Variants in SNRPD3 observed in about 807,000 individuals in gnomAD.
The protein encoded by SNRPD3 is small nuclear ribonucleoprotein D3 polypeptide, also known as small nuclear ribonucleoprotein Sm D3.
For missense variants in SNRPD3, 73 were observed against 167.5 expected, an observed-to-expected ratio of 0.44 and a Z score of 3.11; for synonymous variants, 66 against 58.4, an observed-to-expected ratio of 1.13 and a Z score of -0.59.
rs754815524 is a variant in SNRPD3, at chr22:24,557,742, A to G, written c.68A>G (p.Asn23Ser). The change falls in exon 2 of 4, where the codon AAC (asparagine) becomes AGC (serine). Residue 23 changes from asparagine to serine, a missense_variant. Physicochemically the swap from Asn to Ser is conservative, Grantham distance 46 (BLOSUM62 1). Coordinates refer to ENST00000215829, the MANE Select transcript of SNRPD3 (RefSeq NM_004175.5). ...AEGHIVTCET[N>S]TGEVYRGKLI... ...GGCCACATTGTGACATGTGAGACGA[A>G]CACCGGTGAGGTATATCGGGGGAAG... 4 of 1,611,860 alleles carry G rather than the reference A, an allele frequency of 2.5e-6. No individual in the cohort carries two copies. The highest frequency in any genetic ancestry group is 2.2e-5 in the East Asian group (1 of 44,760).
At chr22:24,564,757 G>A (rs776153340) in intron 2 of SNRPD3, among the ~76,000 whole-genome samples, 1 of 152,144 alleles carries the variant, frequency 6.6e-6, no homozygotes, top group Non-Finnish European at 1.5e-5. Flanking sequence ...TGTGCTGGAG[G>A]GAGTGTGGCT....
intron 2 of SNRPD3, among the ~76,000 whole-genome samples, chr22:24,559,987 C>G (rs2045116989): frequency 6.6e-6 from 1 of 151,890 alleles, no homozygotes; most frequent in South Asian, 2.1e-4. Context: ...TTGGTCTTCC[C>G]TCTGTAGTGT....
intron 1 of SNRPD3, among the ~76,000 whole-genome samples, chr22:24,557,285 TAAC>T (rs1259879255): frequency 6.6e-6 from 1 of 152,170 alleles, no homozygotes; most frequent in Non-Finnish European, 1.5e-5. Context: ...GGTTAACAAA[TAAC>T]AGTGCAACAA....
Position 24,572,439 on chromosome 22 carries a change from A to G in SNRPD3, c.*462A>G, listed in dbSNP as rs1180083533. The G allele has an allele frequency of 1.4e-5, 5 of 353,510 alleles. No homozygotes were observed. The East Asian group carries it at 1.9e-4, about 14-fold the overall frequency. 21.9% of individuals were successfully genotyped at this position (353,510 alleles called of 1,614,324 possible). A position where few individuals can be genotyped will look rare whatever the true frequency, so the allele number is the denominator to read the frequency against. On this transcript the variant is annotated 3_prime_UTR_variant, in exon 4 of 4. Coordinates refer to ENST00000215829, the MANE Select transcript of SNRPD3 (RefSeq NM_004175.5). ...CTGTCATCAGCTCAGCTTTAACAACACAGGTGACTCTTTCCCTTGATAAAG... is the reference window on the plus strand; with the variant it reads ...CTGTCATCAGCTCAGCTTTAACAACGCAGGTGACTCTTTCCCTTGATAAAG...
intron 2 of SNRPD3, among the ~76,000 whole-genome samples, chr22:24,559,888 A>G (rs933367171): frequency 2.0e-4 from 31 of 151,996 alleles, no homozygotes; most frequent in African/African-American, 7.5e-4. Flanking sequence ...AGGTGTTGGC[A>G]AGGCTGGTTT....
At position 24,568,488 on chromosome 22, in the gene SNRPD3, G is replaced by A. The variant is rs994809929; in HGVS notation, c.319+312G>A. Among the ~76,000 whole-genome samples the A allele has an allele frequency of 5.9e-5, 9 of 151,456 alleles. 1 individual carries two copies. The highest frequency in any genetic ancestry group is 1.9e-4 in the East Asian group (1 of 5,176). ...TTTCAAGTAGCTGAGATTACAGTGC[G>A]CACTGCCCTGCCTAGCTAATTTTTT... On this transcript the variant is annotated intron_variant, in intron 3 of 3. Transcript: ENST00000215829.
intron 2 of SNRPD3, among the ~76,000 whole-genome samples, chr22:24,566,768 A>G (rs1226682520): frequency 6.6e-6 from 1 of 152,128 alleles, no homozygotes; most frequent in Non-Finnish European, 1.5e-5. Flanking sequence ...TTTTTCTGTA[A>G]ATGTGGTGCT....
At position 24,573,592 on chromosome 22, in the gene SNRPD3, A is replaced by C. The variant is rs949248213; in HGVS notation, c.*1615A>C. On this transcript the variant is annotated 3_prime_UTR_variant, in exon 4 of 4. Coordinates refer to ENST00000215829, the MANE Select transcript of SNRPD3 (RefSeq NM_004175.5). ...CAATAGACGTTTAAAATAGGGCTTC[A>C]GGCCAAACATGGTGCCCCACGCCTA... Among the ~76,000 whole-genome samples the C allele has an allele frequency of 1.3e-5, 2 of 152,160 alleles. No homozygotes were observed. The highest frequency in any genetic ancestry group is 1.5e-5 in the Non-Finnish European group (1 of 68,024).
chr22:24,558,356 T>G (rs1180441881), intron 2 of SNRPD3, among the ~76,000 whole-genome samples: 1 of 152,238 alleles, frequency 6.6e-6, no homozygotes, highest in Non-Finnish European at 1.5e-5. Context: ...ATGGCACAAC[T>G]TTGCCTTTTG....
At chr22:24,560,601 C>A (rs987991305) in intron 2 of SNRPD3, among the ~76,000 whole-genome samples, 11 of 147,500 alleles carry the variant, frequency 7.5e-5, no homozygotes, top group Admixed American at 2.0e-4. Context: ...GCTAGTTTTT[C>A]GTATTTTTAG....
intron 1 of SNRPD3, among the ~76,000 whole-genome samples, chr22:24,556,534 G>T (rs186173560): frequency 6.6e-6 from 1 of 152,160 alleles, no homozygotes; most frequent in East Asian, 1.9e-4. Context: ...AAAGTTCTTT[G>T]TATCTCTGCC....
chr22:24,558,926 T>C (rs1252642459), intron 2 of SNRPD3, among the ~76,000 whole-genome samples: 2 of 152,192 alleles, frequency 1.3e-5, no homozygotes, highest in Non-Finnish European at 2.9e-5. Flanking sequence ...GCACTCCTCA[T>C]AGCCTGTTCT....
intron 2 of SNRPD3, among the ~76,000 whole-genome samples, chr22:24,564,915 A>G (rs1362541712): frequency 3.3e-5 from 4 of 120,318 alleles, no homozygotes; most frequent in Admixed American, 1.9e-4. Flanking sequence ...ACAGGGTCTT[A>G]CTCTGTTGCC....
intron 2 of SNRPD3, among the ~76,000 whole-genome samples, chr22:24,566,147 CAGA>C (rs2045194766): frequency 1.3e-5 from 2 of 152,094 alleles, no homozygotes; most frequent in South Asian, 2.1e-4. Context: ...GAGCCTGGAG[CAGA>C]AGGTTTATGA....
intron 1 of SNRPD3, 149 bp downstream of exon 1, chr22:24,556,220 C>T (rs949811402): frequency 1.4e-5 from 5 of 347,862 alleles, no homozygotes; most frequent in Admixed American, 4.5e-5. Context: ...GCCTCACTAG[C>T]TCCTGGAAGT....
rs775146318 is a variant in SNRPD3 at position 24,571,989 on chromosome 22, G to T, written c.*12G>T. The T allele has an allele frequency of 2.5e-6, 4 of 1,613,904 alleles. No individual in the cohort carries two copies. Among genetic ancestry groups the T allele is most frequent in the South Asian group, 2.2e-5 (2 of 91,070 alleles). On this transcript the variant is annotated 3_prime_UTR_variant, in exon 4 of 4. Transcript: ENST00000215829. ...AAAAGCGAAGATAATTTTCTAAGTTGAACAGAACTTTGTCCTTTTTTCTTT... is the reference window on the plus strand; with the variant it reads ...AAAAGCGAAGATAATTTTCTAAGTTTAACAGAACTTTGTCCTTTTTTCTTT...
intron 2 of SNRPD3, 95 bp from the exon 3 acceptor site, chr22:24,567,889 T>TCTG (rs2147128535): frequency 1.1e-6 from 1 of 885,912 alleles, no homozygotes; most frequent in East Asian, 2.4e-5. Context: ...ACAATGTCAG[T>TCTG]CTGCTTTTCT....
chr22:24,560,090 ATTT>A (rs71189257), intron 2 of SNRPD3, among the ~76,000 whole-genome samples: 2 of 89,266 alleles, frequency 2.2e-5, no homozygotes, highest in Admixed American at 1.7e-4. Flanking sequence ...TTTATAAAGA[ATTT>A]TTTTTTTTTT....
chr22:24,561,489 C>T (rs762874806), intron 2 of SNRPD3, among the ~76,000 whole-genome samples: 1 of 152,164 alleles, frequency 6.6e-6, no homozygotes, highest in Non-Finnish European at 1.5e-5. Context: ...GTAGAGGCCT[C>T]ACTGGGTCTA....
Sources: gnomAD v4.1 joint callset for allele counts (sites outside exome capture counted in the v4.1 genomes callset) on GRCh38, gnomAD v4.1.1 for gene constraint, MANE v1.5 for transcripts, NCBI Gene and HGNC (gene_info 2026-07-23, HGNC 2026-07-21) for gene names.